Variants in TRPM3 observed in about 807,000 individuals in gnomAD.
The protein encoded by TRPM3 is transient receptor potential cation channel subfamily M member 3.
TRPM3 carries 77 observed loss-of-function variants against 181.2 expected under a neutral mutation model. The ratio of observed to expected loss-of-function variants is 0.42; its 90% CI spans 0.35 to 0.51. The LOEUF (loss-of-function observed/expected upper bound fraction) is 0.51. TRPM3 is among the 20% of genes least tolerant of loss of function. The pLI, the probability that TRPM3 is intolerant of heterozygous loss-of-function variation, is 0.01. For missense variants in TRPM3, 1,759 were observed against 2,196.7 expected (o/e 0.80, Z 3.98); for synonymous variants, 745 against 796.4 (o/e 0.94, Z 1.09).
At chr9:70,605,297 C>CCAT (rs1313448468) in intron 19 of TRPM3, among the ~76,000 whole-genome samples, 2 of 152,162 alleles carry the variant, frequency 1.3e-5, no homozygotes, top group South Asian at 2.1e-4. Context: ...CTCTGAGACC[C>CCAT]CATCACACTG....
intron 1 of TRPM3, among the ~76,000 whole-genome samples, chr9:71,055,036 A>G (rs949307279): frequency 1.3e-5 from 2 of 152,104 alleles, no homozygotes; most frequent in African/African-American, 4.8e-5. Context: ...TTCAGAGTAG[A>G]TTTGGAGATT....
intron 9 of TRPM3, among the ~76,000 whole-genome samples, chr9:70,657,784 T>G (rs2060571846): frequency 6.6e-6 from 1 of 152,178 alleles, no homozygotes; most frequent in Admixed American, 6.5e-5. Context: ...TAATCTCACA[T>G]CTTCGGGTCT....
intron 1 of TRPM3, among the ~76,000 whole-genome samples, chr9:71,332,066 T>C (rs1209158785): frequency 6.6e-6 from 1 of 150,996 alleles, no homozygotes; most frequent in African/African-American, 2.4e-5. Context: ...GGTTAAGGAA[T>C]AGAAAATTCT....
intron 8 of TRPM3, among the ~76,000 whole-genome samples, chr9:70,696,478 T>G (rs1361097055): frequency 6.6e-6 from 1 of 152,186 alleles, no homozygotes; most frequent in Non-Finnish European, 1.5e-5. Flanking sequence ...TGTAGCCTTG[T>G]AGGATAATCA....
At chr9:71,389,535 G>A (rs2093010563) in intron 1 of TRPM3, among the ~76,000 whole-genome samples, 2 of 152,006 alleles carry the variant, frequency 1.3e-5, no homozygotes, top group Non-Finnish European at 2.9e-5. Flanking sequence ...TGCACACGCA[G>A]GTTTATAGTA....
intron 1 of TRPM3, among the ~76,000 whole-genome samples, chr9:70,908,788 C>A (rs1402335028): frequency 2.6e-5 from 4 of 152,040 alleles, no homozygotes; most frequent in African/African-American, 4.8e-5. Flanking sequence ...AATAATAGAC[C>A]AATGGAACAG....
chr9:71,121,113 C>T (rs1215519759), intron 1 of TRPM3, 65 bp downstream of exon 1: 3 of 1,533,810 alleles, frequency 2.0e-6, no homozygotes, highest in African/African-American at 2.8e-5. Context: ...AGCCCAAGTC[C>T]CCAAGTTGGG....
intron 1 of TRPM3, among the ~76,000 whole-genome samples, chr9:70,931,672 A>G (rs912493649): frequency 9.2e-5 from 14 of 152,168 alleles, no homozygotes; most frequent in African/African-American, 2.7e-4. Flanking sequence ...CTGGAGAGAG[A>G]TATTTTCCCC....
intron 1 of TRPM3, among the ~76,000 whole-genome samples, chr9:70,890,736 C>T (rs1370926799): frequency 6.6e-6 from 1 of 152,004 alleles, no homozygotes; most frequent in East Asian, 1.9e-4. Flanking sequence ...ACTCCACATG[C>T]TGCAACATTT....
intron 1 of TRPM3, among the ~76,000 whole-genome samples, chr9:71,288,533 A>G (rs1221008002): frequency 6.6e-6 from 1 of 152,150 alleles, no homozygotes; most frequent in Non-Finnish European, 1.5e-5. Flanking sequence ...TGCACACACA[A>G]AAACCACACA....
At chr9:71,397,124 A>G (rs531884890) in intron 1 of TRPM3, among the ~76,000 whole-genome samples, 5 of 152,320 alleles carry the variant, frequency 3.3e-5, no homozygotes, top group African/African-American at 9.6e-5. Context: ...AAATAAAAAT[A>G]GCACAGTTGG....
chr9:71,392,397 G>C (rs1048594344), intron 1 of TRPM3, among the ~76,000 whole-genome samples: 3 of 152,112 alleles, frequency 2.0e-5, no homozygotes, highest in Admixed American at 6.6e-5. Context: ...TGTCCAGAAA[G>C]ATGGCTGTCC....
intron 17 of TRPM3, 56 bp downstream of exon 17, chr9:70,618,811 A>C (rs1589383433): frequency 6.6e-7 from 1 of 1,506,634 alleles, no homozygotes. Context: ...GGCTGGGAAA[A>C]CTCTAACCCA....
intron 1 of TRPM3, among the ~76,000 whole-genome samples, chr9:71,204,866 T>C (rs543375843): frequency 6.6e-5 from 10 of 152,300 alleles, no homozygotes; most frequent in Non-Finnish European, 1.5e-5. Context: ...ATATACACCA[T>C]GGAATACTAT....
intron 1 of TRPM3, among the ~76,000 whole-genome samples, chr9:70,934,811 C>A (rs958252743): frequency 4.6e-5 from 7 of 151,910 alleles, no homozygotes; most frequent in Non-Finnish European, 1.0e-4. Flanking sequence ...GGAAATTAGC[C>A]CAAGGCTTTT....
Position 70,973,665 on chromosome 9 carries a change from T to C in TRPM3, c.178-109154A>G, listed in dbSNP as rs192367878. Among the ~76,000 whole-genome samples, 4 of 152,314 alleles carry C rather than the reference T, an allele frequency of 2.6e-5. 1 individual carries two copies. Among genetic ancestry groups the C allele is most frequent in the Admixed American group, 2.6e-4 (4 of 15,302 alleles). On this transcript the variant is annotated intron_variant, in intron 1 of 25. Transcript: ENST00000677713. ...AATCAGCTATTTACTCCAAAGAAATTGGCAAATGCTACAAATCATCATCTT... is the reference window on the plus strand; with the variant it reads ...AATCAGCTATTTACTCCAAAGAAATCGGCAAATGCTACAAATCATCATCTT...
At chr9:71,296,905 G>C (rs1470345671) in intron 1 of TRPM3, among the ~76,000 whole-genome samples, 3 of 151,258 alleles carry the variant, frequency 2.0e-5, no homozygotes, top group African/African-American at 7.3e-5. Context: ...TGCCATTATT[G>C]AACATGAGAA....
chr9:71,285,031 T>C (rs2132228865), intron 1 of TRPM3, among the ~76,000 whole-genome samples: 1 of 152,276 alleles, frequency 6.6e-6, no homozygotes, highest in East Asian at 1.9e-4. Context: ...TCAGCAAACA[T>C]AGAACAGGTA....
intron 1 of TRPM3, among the ~76,000 whole-genome samples, chr9:71,146,760 T>C (rs542626542): frequency 8.4e-4 from 128 of 152,202 alleles, no homozygotes; most frequent in Non-Finnish European, 1.7e-3. Flanking sequence ...ATGCTGCTTC[T>C]TGAAGATCTC....
Sources: allele counts gnomAD v4.1 joint callset (sites outside exome capture counted in the v4.1 genomes callset), GRCh38; gene constraint gnomAD v4.1.1; transcripts MANE v1.5; gene names NCBI Gene and HGNC (gene_info 2026-07-23, HGNC 2026-07-21).